The following CERS5 variants were observed in gnomAD, a reference collection of about 807,000 sequenced individuals.
CERS5 encodes ceramide synthase 5.
CERS5 carries 37 observed loss-of-function variants against 58.9 expected under a neutral mutation model. The observed-to-expected ratio is 0.63, with a 90% CI of 0.48 to 0.83. The LOEUF is 0.83. Ranked by LOEUF, CERS5 falls within the 40% of genes least tolerant of loss-of-function variation. The pLI is 0.00. For missense variants in CERS5, 398 were observed against 489.3 expected (o/e 0.81, Z 1.76); for synonymous variants, 147 against 177.8 (o/e 0.83, Z 1.38).
intron 1 of CERS5, among the ~76,000 whole-genome samples, chr12:50,155,142 G>C (rs1938426211): frequency 6.6e-6 from 1 of 152,090 alleles, no homozygotes; most frequent in Non-Finnish European, 1.5e-5. Flanking sequence ...ATAGGGGTGA[G>C]CCATCGTGCC....
intron 6 of CERS5, among the ~76,000 whole-genome samples, chr12:50,136,342 A>G (rs536666969): frequency 1.3e-5 from 2 of 152,184 alleles, no homozygotes; most frequent in East Asian, 3.9e-4. Flanking sequence ...GCTTGGTGGC[A>G]TGTGCCTGTA....
intron 1 of CERS5, chr12:50,144,699 T>TCTA: frequency 1.2e-6 from 1 of 819,864 alleles, no homozygotes; most frequent in Non-Finnish European, 1.9e-6. Context: ...GAGAAGGAAA[T>TCTA]CACCTATTAG....
Position 50,130,026 on chromosome 12 carries a change from G to A in CERS5, c.*519C>T, listed in dbSNP as rs1951227449. 1 of 152,758 alleles carries A rather than the reference G, an allele frequency of 6.5e-6. No individual in the cohort carries two copies. Among genetic ancestry groups the A allele is most frequent in the African/African-American group, 2.4e-5 (1 of 41,454 alleles). 9.5% of individuals were successfully genotyped at this position (152,758 alleles called of 1,614,324 possible). ...CGGCAATCCTGGCCATCCATCCATGGTTCTGTTTCTATACAACTTCATCAT... is the reference window on the plus strand; with the variant it reads ...CGGCAATCCTGGCCATCCATCCATGATTCTGTTTCTATACAACTTCATCAT... On this transcript the variant is annotated 3_prime_UTR_variant, in exon 10 of 10. Transcript: ENST00000317551.
chr12:50,165,452 A>AC (rs1242954872), intron 1 of CERS5: 2 of 152,000 alleles, frequency 1.3e-5, no homozygotes, highest in East Asian at 1.9e-4. Context: ...AAAAAAAAAA[A>AC]AACCTTGCTA....
At chr12:50,148,919 A>AT (rs1555196134) in intron 1 of CERS5, among the ~76,000 whole-genome samples, 19 of 70,780 alleles carry the variant, frequency 2.7e-4, no homozygotes, top group African/African-American at 9.1e-4. Context: ...AAAAAAAAAA[A>AT]AAAAAAAAAT....
At chr12:50,135,212 GGAGGGAGA>G (rs1214100757) in intron 8 of CERS5, among the ~76,000 whole-genome samples, 2 of 47,360 alleles carry the variant, frequency 4.2e-5, no homozygotes, top group Non-Finnish European at 7.3e-5. Context: ...GAGAGGAGAG[GGAGGGAGA>G]GAGAGGAGGA....
intron 1 of CERS5, among the ~76,000 whole-genome samples, chr12:50,151,856 G>A (rs1937997748): frequency 6.6e-6 from 1 of 152,296 alleles, no homozygotes; most frequent in Middle Eastern, 3.4e-3. Flanking sequence ...TGCTGGCCAG[G>A]CTGGTCCCGA....
chr12:50,146,752 C>T (rs1053584291), intron 1 of CERS5, among the ~76,000 whole-genome samples: 5 of 146,888 alleles, frequency 3.4e-5, no homozygotes, highest in Non-Finnish European at 5.9e-5. Flanking sequence ...GAGACTGAGG[C>T]GGGAGAATGG....
intron 4 of CERS5, among the ~76,000 whole-genome samples, chr12:50,140,051 T>G (rs1424976458): frequency 6.6e-6 from 1 of 151,958 alleles, no homozygotes; most frequent in African/African-American, 2.4e-5. Context: ...ATTATTTCCT[T>G]ACTTTAACCT....
chr12:50,159,866 T>C (rs977249486), intron 1 of CERS5, among the ~76,000 whole-genome samples: 3 of 152,094 alleles, frequency 2.0e-5, no homozygotes, highest in African/African-American at 7.2e-5. Context: ...GCTGGGATTA[T>C]AGGCATTAGC....
chr12:50,143,692 GTA>G, intron 2 of CERS5: 1 of 400,694 alleles, frequency 2.5e-6, no homozygotes, highest in Non-Finnish European at 4.5e-6. Flanking sequence ...ACCAGATATG[GTA>G]TGTGTCTGGG....
At chr12:50,167,056 C>A in intron 1 of CERS5, 45 bp downstream of exon 1, 1 of 1,429,326 alleles carries the variant, frequency 7.0e-7, no homozygotes, top group South Asian at 1.3e-5. Context: ...CGGGGCGCCC[C>A]CGGCCCGCGC....
At chr12:50,136,168 C>G in intron 6 of CERS5, 99 bp from the exon 7 acceptor site, 1 of 1,129,830 alleles carries the variant, frequency 8.9e-7, no homozygotes, top group Non-Finnish European at 1.2e-6. Context: ...TCTTACCCCA[C>G]CCCATATAGA....
In CERS5 at chr12:50,143,947, C is replaced by G; in HGVS notation, c.303+5G>C. 6.4e-7 allele frequency: 1 copy of G among 1,566,168 alleles called. No individual in the cohort carries two copies. Among genetic ancestry groups the G allele is most frequent in the Non-Finnish European group, 8.8e-7 (1 of 1,136,716 alleles). On this transcript the variant is annotated splice_donor_5th_base_variant and intron_variant, in intron 2 of 9. Transcript: ENST00000317551. Reference sequence around the variant, plus strand: ...ATATTCCTCTCTGTTTCTTTGCCCACTTACCTTGGTAATAGATATGAACAC... The same window carrying G: ...ATATTCCTCTCTGTTTCTTTGCCCAGTTACCTTGGTAATAGATATGAACAC...
chr12:50,138,464 C>T (rs1423709961), intron 5 of CERS5, 103 bp downstream of exon 5: 47 of 971,402 alleles, frequency 4.8e-5, no homozygotes, highest in Non-Finnish European at 7.7e-5. Context: ...ATCCCTCAAT[C>T]CCAAGGAAAC....
intron 8 of CERS5, among the ~76,000 whole-genome samples, chr12:50,135,184 G>C (rs562993811): frequency 4.2e-4 from 26 of 61,428 alleles, no homozygotes; most frequent in Non-Finnish European, 7.1e-4. Flanking sequence ...GGAGAGAGAG[G>C]AGAGGGAGGA....
At chr12:50,143,053 C>T (rs766705275) in intron 3 of CERS5, 21 bp downstream of exon 3, 4 of 1,584,280 alleles carry the variant, frequency 2.5e-6, no homozygotes, top group Admixed American at 3.5e-5. Context: ...TTATTCCCTC[C>T]CTCCCTCCTT....
intron 2 of CERS5, 114 bp downstream of exon 2, chr12:50,143,838 T>C: frequency 1.4e-6 from 1 of 699,276 alleles, no homozygotes; most frequent in Non-Finnish European, 2.6e-6. Context: ...TACTCAAATA[T>C]GAAGGACCAT....
Position 50,130,417 on chromosome 12 carries a change from T to C in CERS5, c.*128A>G, listed in dbSNP as rs990634743. 8.7e-6 allele frequency: 7 copies of C among 805,086 alleles called. No individual in the cohort carries two copies. The African/African-American group carries it at 1.2e-4, about 14-fold the overall frequency. 49.9% of individuals were successfully genotyped at this position (805,086 alleles called of 1,614,324 possible). The stretch of plus-strand genomic sequence containing the variant: ...TTTCTTTCAAAGTGAAAATATTTGC[T>C]TCTTTGATACTCCTCAGTGCCTTGC... On this transcript the variant is annotated 3_prime_UTR_variant, in exon 10 of 10. Coordinates refer to ENST00000317551, the MANE Select transcript of CERS5 (RefSeq NM_147190.5).
Sources: allele counts gnomAD v4.1 joint callset (sites outside exome capture counted in the v4.1 genomes callset), GRCh38; gene constraint gnomAD v4.1.1; transcripts MANE v1.5; gene names NCBI Gene and HGNC (gene_info 2026-07-23, HGNC 2026-07-21).